The following EVC variants were observed in gnomAD, a reference collection of about 807,000 sequenced individuals.
The protein encoded by EVC is evC complex member EVC.
A neutral mutation model predicts 118.9 loss-of-function variants in EVC; 116 were observed. The ratio of observed to expected loss-of-function variants is 0.98; its 90% CI spans 0.84 to 1.14. The LOEUF is 1.14. Among genes scored for constraint, EVC ranks in the 50% most tolerant of loss-of-function variants. The probability of loss-of-function intolerance (pLI) is 0.00; values close to 1 mark genes in which losing one functional copy is unlikely to be tolerated. For missense variants in EVC, 1,401 were observed against 1,246.4 expected (o/e 1.12, Z -1.87); for synonymous variants, 619 against 534.7 (o/e 1.16, Z -2.18).
At position 5,732,687 on chromosome 4, in the gene EVC, C is replaced by T. The variant is rs183902718; in HGVS notation, c.618-664C>T. ...CATGAGAATGTCTCTGCTAAGGCAC[C>T]GAGGAAAGGTGACACGTGATGATAG... is the stretch of plus-strand genomic sequence containing the variant. On this transcript the variant is annotated intron_variant, in intron 4 of 20. Transcript: ENST00000264956. 1.1e-4 allele frequency among the ~76,000 whole-genome samples: 17 copies of T among 152,254 alleles called. 1 individual carries two copies. Among genetic ancestry groups the T allele is most frequent in the Admixed American group, 2.6e-4 (4 of 15,304 alleles).
At chr4:5,784,123 A>G (rs1182426468) in intron 12 of EVC, among the ~76,000 whole-genome samples, 1 of 152,150 alleles carries the variant, frequency 6.6e-6, no homozygotes, top group African/African-American at 2.4e-5. Context: ...CCTGTTTTTC[A>G]GTGAGTCTGA....
At position 5,738,995 on chromosome 4, in the gene EVC, A is replaced by G. The variant is rs571728894; in HGVS notation, c.703-2721A>G. Among the ~76,000 whole-genome samples the G allele has an allele frequency of 6.6e-6, 1 of 152,336 alleles. No homozygotes were observed. The highest frequency in any genetic ancestry group is 2.1e-4 in the South Asian group (1 of 4,830). ...CTATTGTACACTTAGACTACAGTAT[A>G]GTGTAAACATAGCTTTTATATGCAC... On this transcript the variant is annotated intron_variant, in intron 5 of 20. Transcript: ENST00000264956. The surrounding 1 kb of genome is among the most constrained non-coding windows in gnomAD (Gnocchi z 6.5).
At chr4:5,735,954 C>T (rs890144525) in intron 5 of EVC, among the ~76,000 whole-genome samples, 2 of 152,094 alleles carry the variant, frequency 1.3e-5, no homozygotes, top group African/African-American at 4.8e-5. Flanking sequence ...TGCCTGGAGA[C>T]TTAAATACTC....
downstream of EVC, among the ~76,000 whole-genome samples, chr4:5,815,736 T>A (rs1717568276): frequency 6.6e-6 from 1 of 152,314 alleles, no homozygotes; most frequent in South Asian, 2.1e-4. Context: ...TCTATAGCCC[T>A]TAACAGAGTG....
Position 5,793,710 on chromosome 4 carries a change from A to C in EVC, c.1879A>C (p.Thr627Pro). 1 of 1,549,964 alleles carries C rather than the reference A, an allele frequency of 6.5e-7. No individual in the cohort carries two copies. The highest frequency in any genetic ancestry group is 8.7e-7 in the Non-Finnish European group (1 of 1,146,882). ...RGVLGRLGGL[T>P]EESTRCVLQG... ...CGTCTTGGGCCGACTGGGCGGCCTC[A>C]CTGAAGAGTGAGTACAGCTCCCTGA... The change falls in exon 13 of 21, where the codon ACT becomes CCT. Residue 627 changes from threonine to proline, a missense_variant. Transcript: ENST00000264956.
intron 6 of EVC, 79 bp from the exon 7 acceptor site, chr4:5,745,125 G>A (rs1729157806): frequency 7.2e-7 from 1 of 1,388,444 alleles, no homozygotes; most frequent in Non-Finnish European, 1.0e-6. Flanking sequence ...AAAAATAAAA[G>A]CATTTATTTT....
Position 5,711,283 on chromosome 4 carries a change from C to G in EVC, c.-98C>G, listed in dbSNP as rs901405020. ...AGAAAGTCTGCGGAGCGGGCCGCGCCCCTGGCCCGCCCGGGCTCCAAGTCC... is the reference window on the plus strand; with the variant it reads ...AGAAAGTCTGCGGAGCGGGCCGCGCGCCTGGCCCGCCCGGGCTCCAAGTCC... On this transcript the variant is annotated 5_prime_UTR_variant, in exon 1 of 21. Transcript: ENST00000264956. 1.2e-6 allele frequency: 1 copy of G among 822,700 alleles called. No homozygotes were observed. The highest frequency in any genetic ancestry group is 1.8e-5 in the African/African-American group (1 of 54,130). 51.0% of individuals were successfully genotyped at this position (822,700 alleles called of 1,614,324 possible). A position where few individuals can be genotyped will look rare whatever the true frequency, so the allele number is the denominator to read the frequency against.
In EVC at chr4:5,754,750, C is replaced by T. The variant is rs373481337; in HGVS notation, c.1464+817C>T. Among the ~76,000 whole-genome samples the T allele has an allele frequency of 6.6e-6, 1 of 152,112 alleles. No homozygotes were observed. Among genetic ancestry groups the T allele is most frequent in the African/African-American group, 2.4e-5 (1 of 41,438 alleles). ...GGCATGTTGCTTACCCTCTGGCCCT[C>T]AGCTTCCACATCTGTGAAATGGGCA... On this transcript the variant is annotated intron_variant, in intron 10 of 20. Transcript: ENST00000264956. The surrounding 1 kb of genome is among the most constrained non-coding windows in gnomAD (Gnocchi z 5.8).
chr4:5,776,550 C>T (rs758431585), intron 11 of EVC, among the ~76,000 whole-genome samples: 87 of 152,106 alleles, frequency 5.7e-4, no homozygotes, highest in Non-Finnish European at 2.5e-4. Context: ...AAATTTCTTC[C>T]ATCAGTTTGG....
chr4:5,717,116 G>A (rs998844350), intron 1 of EVC, among the ~76,000 whole-genome samples: 54 of 151,890 alleles, frequency 3.6e-4, no homozygotes, highest in African/African-American at 1.3e-3. Flanking sequence ...AGGTTGAATT[G>A]GGCTTCCAAT....
At chr4:5,807,016 CG>C (rs142298558) in intron 17 of EVC, among the ~76,000 whole-genome samples, 1 of 152,190 alleles carries the variant, frequency 6.6e-6, no homozygotes, top group African/African-American at 2.4e-5. Context: ...TCCATAGGCA[CG>C]GTTTCTAGTG....
rs938617020 is a variant in EVC at position 5,742,517 on chromosome 4, T to A, written c.801+703T>A. Among the ~76,000 whole-genome samples the A allele has an allele frequency of 1.3e-5, 2 of 152,142 alleles. No individual in the cohort carries two copies. Among genetic ancestry groups the A allele is most frequent in the African/African-American group, 4.8e-5 (2 of 41,430 alleles). On this transcript the variant is annotated intron_variant, in intron 6 of 20. Transcript: ENST00000264956. The surrounding 1 kb of genome is among the most constrained non-coding windows in gnomAD (Gnocchi z 5.2). ...CTTCTTCATCATGTCATTGTTGTCA[T>A]CACCATAAACACCATCATCTTTGCT...
chr4:5,783,146 G>A (rs1442044460), intron 11 of EVC, among the ~76,000 whole-genome samples: 2 of 152,098 alleles, frequency 1.3e-5, no homozygotes, highest in Non-Finnish European at 1.5e-5. Flanking sequence ...GTCTATGTGT[G>A]ATTCATGTGT....
At chr4:5,802,902 A>T (rs1715263299) in intron 16 of EVC, among the ~76,000 whole-genome samples, 1 of 152,154 alleles carries the variant, frequency 6.6e-6, no homozygotes, top group Non-Finnish European at 1.5e-5. Flanking sequence ...GGGATCCCTG[A>T]TCTAGGATAT....
chr4:5,766,907 A>G (rs1732968617), intron 11 of EVC, among the ~76,000 whole-genome samples: 1 of 152,004 alleles, frequency 6.6e-6, no homozygotes, highest in South Asian at 2.1e-4. Context: ...AGCTTGTCAA[A>G]GTCATTCTCC....
At chr4:5,809,100 C>T (rs1396363567) in intron 18 of EVC, among the ~76,000 whole-genome samples, 2 of 152,202 alleles carry the variant, frequency 1.3e-5, no homozygotes, top group Non-Finnish European at 2.9e-5. Context: ...GCACAGGTTA[C>T]GTTGCTATCC....
In EVC at chr4:5,810,352, G is replaced by A. The variant is rs376877471; in HGVS notation, c.2796G>A (p.Arg932=). The stretch of plus-strand genomic sequence containing the variant: ...TGTCCTCTACAGAGAAGCCCCTAAG[G>A]ACTAAAAGGAAGAAGCCCCTGCCCC... The part of the protein sequence containing the change: ...AKRGLLEKPL[R]TKRKKPLPQE... The change falls in exon 20 of 21, where the codon AGG becomes AGA. Residue 932 remains arginine, a synonymous_variant. Transcript: ENST00000264956. 1 of 1,613,566 alleles carries A rather than the reference G, an allele frequency of 6.2e-7. No individual in the cohort carries two copies.
chr4:5,804,694 A>G, intron 16 of EVC, 36 bp from the exon 17 acceptor site: 1 of 1,597,016 alleles, frequency 6.3e-7, no homozygotes, highest in South Asian at 1.1e-5. Flanking sequence ...GATCCTCCAA[A>G]CAGACCCCTT....
At chr4:5,817,367 T>C (rs1717874708), downstream of EVC, among the ~76,000 whole-genome samples, 1 of 152,160 alleles carries the variant, frequency 6.6e-6, no homozygotes, top group Non-Finnish European at 1.5e-5. Flanking sequence ...GCATAATGGA[T>C]AGCCAGGCTG....
Sources: gnomAD v4.1 joint callset for allele counts (sites outside exome capture counted in the v4.1 genomes callset) on GRCh38, gnomAD v4.1.1 for gene constraint, Gnocchi (gnomAD v3.1) non-coding constraint, MANE v1.5 for transcripts, NCBI Gene and HGNC (gene_info 2026-07-23, HGNC 2026-07-21) for gene names.